The following MEGF11 variants were observed in gnomAD, a reference collection of about 807,000 sequenced individuals.
MEGF11 encodes multiple epidermal growth factor-like domains protein 11.
In MEGF11, 126 loss-of-function variants were observed where a neutral mutation model predicts 146.6. The observed-to-expected ratio is 0.86, with a 90% CI of 0.74 to 1.00. The LOEUF is 1.00. Among genes scored for constraint, MEGF11 ranks in the 50% least tolerant of loss-of-function variants. The pLI, the probability that MEGF11 is intolerant of heterozygous loss-of-function variation, is 0.00. For synonymous variants in MEGF11, 532 were observed against 583.4 expected (o/e 0.91, Z 1.27); for missense variants, 1,509 against 1,521.2 (o/e 0.99, Z 0.13).
rs558969325 is a variant in MEGF11, at chr15:66,216,468, T to G, written c.-9+37137A>C. Among the ~76,000 whole-genome samples the G allele has an allele frequency of 4.6e-5, 7 of 152,292 alleles. No individual in the cohort carries two copies. The South Asian group carries it at 6.2e-4, about 14-fold the overall frequency. ...CCCTGGGACTCTCACAGCAGCACTG[T>G]GCCCAGTACCCTGCACACAGCTGGT... On this transcript the variant is annotated intron_variant, in intron 1 of 25. Coordinates refer to ENST00000395614, the MANE Select transcript of MEGF11 (RefSeq NM_001385028.1).
chr15:66,118,910 G>A (rs982670092), intron 4 of MEGF11, among the ~76,000 whole-genome samples, 176 bp downstream of exon 4: 13 of 152,140 alleles, frequency 8.5e-5, no homozygotes, highest in African/African-American at 3.1e-4. Context: ...TACTGTATTT[G>A]CACCAAACTC....
At chr15:66,009,241 GTTTTTTTTTT>G (rs10540363) in intron 5 of MEGF11, among the ~76,000 whole-genome samples, 1 of 143,072 alleles carries the variant, frequency 7.0e-6, no homozygotes, top group African/African-American at 2.6e-5. Context: ...GTTAACCTAA[GTTTTTTTTTT>G]TTTTTTTTTT....
intron 4 of MEGF11, among the ~76,000 whole-genome samples, chr15:66,095,760 G>C (rs1285556803): frequency 6.6e-6 from 1 of 152,176 alleles, no homozygotes; most frequent in East Asian, 1.9e-4. Flanking sequence ...CTGCAAGCCT[G>C]GGTTGTGGTG....
At position 66,053,714 on chromosome 15, in the gene MEGF11, A is replaced by ATTTTTTTTTTTTTTTTT. The variant is rs2084549697; in HGVS notation, c.394+40687_394+40688insAAAAAAAAAAAAAAAAA. ...ACTCAGCTCCCCCTCCCCTGGCACC[A>ATTTTTTTTTTTTTTTTT]ATTTTTTTTTTTTTTTTTTTTTTTT... On this transcript the variant is annotated intron_variant, in intron 5 of 25. Transcript: ENST00000395614. 4.3e-4 allele frequency among the ~76,000 whole-genome samples: 18 copies of ATTTTTTTTTTTTTTTTT among 42,268 alleles called. 8 individuals are homozygous for ATTTTTTTTTTTTTTTTT. Among genetic ancestry groups the ATTTTTTTTTTTTTTTTT allele is most frequent in the South Asian group, 1.9e-3 (2 of 1,074 alleles). 27.7% of individuals were successfully genotyped at this position (42,268 alleles called of 152,430 possible).
chr15:66,133,236 G>T (rs1486535054), intron 1 of MEGF11, among the ~76,000 whole-genome samples: 1 of 152,184 alleles, frequency 6.6e-6, no homozygotes, highest in Non-Finnish European at 1.5e-5. Flanking sequence ...CACCCCATCA[G>T]CACCAGCGCA....
intron 19 of MEGF11, 89 bp from the exon 20 acceptor site, chr15:65,914,062 T>G: frequency 1.0e-6 from 1 of 962,160 alleles, no homozygotes; most frequent in Non-Finnish European, 1.6e-6. Context: ...GTAACCCCTC[T>G]AATGTTAGGA....
chr15:66,026,863 G>A (rs2083347185), intron 5 of MEGF11, among the ~76,000 whole-genome samples: 1 of 152,158 alleles, frequency 6.6e-6, no homozygotes, highest in Non-Finnish European at 1.5e-5. Flanking sequence ...ATCTGCATCT[G>A]TAAAACAGGT....
At chr15:66,239,347 C>T (rs550292841) in intron 1 of MEGF11, among the ~76,000 whole-genome samples, 21 of 152,254 alleles carry the variant, frequency 1.4e-4, no homozygotes, top group African/African-American at 4.6e-4. Flanking sequence ...GAGCAAGGAC[C>T]CTCTCCAAAT....
intron 5 of MEGF11, among the ~76,000 whole-genome samples, chr15:65,992,443 G>A (rs1421604189): frequency 5.2e-5 from 2 of 38,706 alleles, no homozygotes; most frequent in Non-Finnish European, 1.5e-4. Flanking sequence ...GCCTCTGTGT[G>A]TGTGTGTGGG....
intron 5 of MEGF11, among the ~76,000 whole-genome samples, chr15:66,016,121 T>A (rs923119585): frequency 9.2e-5 from 14 of 151,988 alleles, no homozygotes; most frequent in African/African-American, 1.4e-4. Flanking sequence ...TTAACTAATT[T>A]AAAAAAAACC....
At chr15:66,245,307 A>C (rs1255797205) in intron 1 of MEGF11, among the ~76,000 whole-genome samples, 2 of 152,110 alleles carry the variant, frequency 1.3e-5, no homozygotes, top group Non-Finnish European at 2.9e-5. Context: ...GCTATGGAAA[A>C]AAAATGTAAG....
intron 1 of MEGF11, among the ~76,000 whole-genome samples, chr15:66,143,615 C>T (rs536909970): frequency 2.6e-5 from 4 of 152,322 alleles, no homozygotes; most frequent in African/African-American, 4.8e-5. Context: ...AGAGGCAGAG[C>T]GAGATGCCTC....
chr15:66,003,692 G>A (rs566374214), intron 5 of MEGF11, among the ~76,000 whole-genome samples: 9 of 152,250 alleles, frequency 5.9e-5, no homozygotes, highest in African/African-American at 1.4e-4. Flanking sequence ...CCTGCCAAGA[G>A]CCTCTCCATG....
chr15:66,054,666 C>T (rs1445468465), intron 5 of MEGF11, among the ~76,000 whole-genome samples: 1 of 152,170 alleles, frequency 6.6e-6, no homozygotes, highest in African/African-American at 2.4e-5. Context: ...AAAAGTATCA[C>T]AAGAAAGGCC....
chr15:66,097,574 G>A (rs911464998), intron 4 of MEGF11, among the ~76,000 whole-genome samples: 13 of 152,024 alleles, frequency 8.6e-5, no homozygotes, highest in African/African-American at 1.2e-4. Context: ...ATCTGCTGTC[G>A]TGGACAGGGC....
chr15:65,933,256 T>A (rs1479525479), intron 10 of MEGF11, among the ~76,000 whole-genome samples: 6 of 152,224 alleles, frequency 3.9e-5, no homozygotes, highest in African/African-American at 1.2e-4. Context: ...TTCTCCAAGA[T>A]GATAAATAGC....
At chr15:66,131,314 G>T (rs2088638115) in intron 1 of MEGF11, among the ~76,000 whole-genome samples, 1 of 152,254 alleles carries the variant, frequency 6.6e-6, no homozygotes, top group African/African-American at 2.4e-5. Context: ...TGCACCACCT[G>T]CCCGGGCCTG....
chr15:66,123,732 C>T (rs182271040), intron 3 of MEGF11, among the ~76,000 whole-genome samples, 167 bp downstream of exon 3: 9 of 152,254 alleles, frequency 5.9e-5, no homozygotes, highest in South Asian at 2.1e-4. Context: ...CTGTACTACC[C>T]GCAAGCTCTT....
chr15:66,228,335 C>T (rs544908155), intron 1 of MEGF11, among the ~76,000 whole-genome samples: 124 of 152,216 alleles, frequency 8.1e-4, no homozygotes, highest in African/African-American at 2.8e-3. Flanking sequence ...ACCAAGACTA[C>T]GGAGCCAGCC....
Sources: allele counts gnomAD v4.1 joint callset (sites outside exome capture counted in the v4.1 genomes callset), GRCh38; gene constraint gnomAD v4.1.1; transcripts MANE v1.5; gene names NCBI Gene and HGNC (gene_info 2026-07-23, HGNC 2026-07-21).